Variants in AUTS2 observed in about 807,000 individuals in gnomAD.
AUTS2 encodes autism susceptibility gene 2 protein.
AUTS2 carries 17 observed loss-of-function variants against 112.4 expected under a neutral mutation model. That is an observed-to-expected ratio of 0.15 (90% CI 0.10 to 0.23). The LOEUF is 0.23. Ranked by LOEUF, AUTS2 falls within the 10% of genes least tolerant of loss-of-function variation. AUTS2 has a pLI of 1.00. For synonymous variants in AUTS2, 751 were observed against 702.7 expected (o/e 1.07, Z -1.09); for missense variants, 1,510 against 1,701.6 (o/e 0.89, Z 1.98).
chr7:69,964,272 G>A (rs2129547275), intron 2 of AUTS2, among the ~76,000 whole-genome samples: 1 of 152,208 alleles, frequency 6.6e-6, no homozygotes, highest in Non-Finnish European at 1.5e-5. Context: ...TACCCTCCGG[G>A]CTTTACTTCT....
At chr7:69,788,040 CTT>C (rs536786625) in intron 1 of AUTS2, among the ~76,000 whole-genome samples, 6 of 152,188 alleles carry the variant, frequency 3.9e-5, no homozygotes, top group Non-Finnish European at 8.8e-5. Context: ...TTCAGCTAGA[CTT>C]TTTCTTTTAC....
chr7:69,952,262 GATATT>G (rs1374527733), intron 2 of AUTS2, among the ~76,000 whole-genome samples: 1 of 152,132 alleles, frequency 6.6e-6, no homozygotes, highest in African/African-American at 2.4e-5. Flanking sequence ...ATGGAAAAAT[GATATT>G]AAATTAACCA....
intron 2 of AUTS2, 126 bp downstream of exon 2, chr7:69,899,624 A>G (rs558327208): frequency 3.4e-6 from 3 of 875,644 alleles, no homozygotes; most frequent in East Asian, 2.6e-5. Flanking sequence ...TGGTTGTCCA[A>G]CAAAGCTGTG....
intron 4 of AUTS2, among the ~76,000 whole-genome samples, chr7:70,408,574 A>G (rs1794640465): frequency 6.6e-6 from 1 of 152,220 alleles, no homozygotes; most frequent in Non-Finnish European, 1.5e-5. Context: ...CACCTGGTGC[A>G]TTCTGGGTGC....
intron 2 of AUTS2, among the ~76,000 whole-genome samples, chr7:70,005,832 G>C (rs1437686790): frequency 1.3e-5 from 2 of 150,838 alleles, no homozygotes; most frequent in Non-Finnish European, 3.0e-5. Context: ...TATATTTTAT[G>C]TGCATGTTCC....
chr7:69,603,494 C>T (rs1054315527), intron 1 of AUTS2, among the ~76,000 whole-genome samples: 2 of 152,048 alleles, frequency 1.3e-5, no homozygotes, highest in Admixed American at 6.6e-5. Context: ...ATGATGAAAG[C>T]TTTAGGGGTA....
intron 4 of AUTS2, among the ~76,000 whole-genome samples, chr7:70,282,059 C>T (rs961683693): frequency 2.0e-5 from 3 of 151,164 alleles, no homozygotes; most frequent in Admixed American, 6.6e-5. Flanking sequence ...GAGCAATGCT[C>T]ATTGATTACA....
intron 2 of AUTS2, among the ~76,000 whole-genome samples, chr7:70,098,539 A>G (rs1203248765): frequency 6.6e-6 from 1 of 152,034 alleles, no homozygotes; most frequent in Non-Finnish European, 1.5e-5. Context: ...GCTGTGGGGT[A>G]CCGGTGGTTG....
intron 5 of AUTS2, among the ~76,000 whole-genome samples, chr7:70,467,556 T>C (rs1275768746): frequency 6.6e-6 from 1 of 152,240 alleles, no homozygotes; most frequent in Non-Finnish European, 1.5e-5. Flanking sequence ...TGAATACTTC[T>C]TGTGTCAAAC....
chr7:70,399,630 G>C (rs1794239960), intron 4 of AUTS2, among the ~76,000 whole-genome samples: 1 of 152,072 alleles, frequency 6.6e-6, no homozygotes, highest in South Asian at 2.1e-4. Context: ...TTTAGTGAGT[G>C]TCTAAAACAC....
chr7:70,134,464 T>G, intron 3 of AUTS2, 72 bp from the exon 4 acceptor site: 1,266 of 1,316,128 alleles, frequency 9.6e-4, no homozygotes, highest in Non-Finnish European at 1.3e-3. Context: ...GGGCTGGTAA[T>G]GAGCTGTGTG....
chr7:70,118,730 T>C (rs1270622495), intron 3 of AUTS2: 6 of 152,456 alleles, frequency 3.9e-5, no homozygotes, highest in African/African-American at 1.4e-4. Flanking sequence ...TGAGCCGATA[T>C]TGTGCCACTG....
rs186490367 is a variant in AUTS2 at position 70,297,574 on chromosome 7, C to T, written c.661-138178C>T. Among the ~76,000 whole-genome samples, 976 of 151,834 alleles carry T rather than the reference C, an allele frequency of 6.4e-3. 8 individuals carry two copies. Among genetic ancestry groups the T allele is most frequent in the African/African-American group, 0.022 (907 of 41,406 alleles). ...CCTCCCAAGTAGCTGGGACTACAGG[C>T]GCCTGCCACCACACCCGGGTAATTT... On this transcript the variant is annotated intron_variant, in intron 4 of 18. Coordinates refer to ENST00000342771, the MANE Select transcript of AUTS2 (RefSeq NM_015570.4).
At chr7:70,077,666 G>A (rs1240012582) in intron 2 of AUTS2, among the ~76,000 whole-genome samples, 4 of 152,186 alleles carry the variant, frequency 2.6e-5, no homozygotes, top group Non-Finnish European at 5.9e-5. Flanking sequence ...TAGTAGAATG[G>A]TGATGTAGAT....
chr7:70,066,992 T>C (rs1210840978), intron 2 of AUTS2, among the ~76,000 whole-genome samples: 1 of 152,232 alleles, frequency 6.6e-6, no homozygotes, highest in Non-Finnish European at 1.5e-5. Context: ...TCGAAGTCAA[T>C]GCACAGTCAG....
At chr7:70,612,062 G>A (rs1261366415) in intron 5 of AUTS2, among the ~76,000 whole-genome samples, 3 of 152,130 alleles carry the variant, frequency 2.0e-5, no homozygotes, top group South Asian at 2.1e-4. Context: ...TGTTATACTC[G>A]AAGTAGCAGA....
intron 4 of AUTS2, among the ~76,000 whole-genome samples, chr7:70,203,942 ATTAAAAAAATTTTTAAGCC>A (rs1321287503): frequency 1.3e-5 from 2 of 150,562 alleles, no homozygotes; most frequent in African/African-American, 4.9e-5. Context: ...ATGATTGGCT[ATTAAAAAAATTTTTAAGCC>A]TTAAAAAAAA....
chr7:70,118,166 A>C lies in AUTS2; in HGVS notation c.557A>C (p.Asp186Ala). ...GGACAGAACAGCTGCAGGGACAGTG[A>C]CAGTGAAAGTGCCAGTGGAGAATCC... ...KPGQNSCRDS[D>A]SESASGESKG... The change falls in exon 3 of 19, where the codon GAC (aspartate) becomes GCC (alanine). Residue 186 changes from aspartate (D) to alanine (A), a missense_variant. Asp to Ala is a moderately radical substitution (Grantham distance 126, BLOSUM62 -2). Transcript: ENST00000342771. The C allele has an allele frequency of 6.2e-7, 1 of 1,612,236 alleles. No homozygotes were observed. Among genetic ancestry groups the C allele is most frequent in the Non-Finnish European group, 8.5e-7 (1 of 1,179,334 alleles).
chr7:69,892,958 T>C (rs1012410787), intron 1 of AUTS2, among the ~76,000 whole-genome samples: 16 of 152,232 alleles, frequency 1.1e-4, no homozygotes, highest in African/African-American at 3.6e-4. Flanking sequence ...TTTATGCCAA[T>C]ATAGTGATGC....
Sources: allele counts gnomAD v4.1 joint callset (sites outside exome capture counted in the v4.1 genomes callset), GRCh38; gene constraint gnomAD v4.1.1; transcripts MANE v1.5; gene names NCBI Gene and HGNC (gene_info 2026-07-23, HGNC 2026-07-21).